CHL1: variants seen among roughly 807,000 people sequenced by gnomAD.
CHL1 encodes cell adhesion molecule L1 like.
CHL1 carries 96 observed loss-of-function variants against 141.9 expected under a neutral mutation model. The observed-to-expected ratio is 0.68, with a 90% CI of 0.57 to 0.80. CHL1 has a LOEUF of 0.80. CHL1 is among the 30% of genes least tolerant of loss of function. The pLI is 0.00. For missense variants in CHL1, 1,820 were observed against 1,457.2 expected, an observed-to-expected ratio of 1.25 and a Z score of -4.05; for synonymous variants, 613 against 502.2, an observed-to-expected ratio of 1.22 and a Z score of -2.95.
At chr3:347,117 A>G (rs906044376) in intron 9 of CHL1, among the ~76,000 whole-genome samples, 2 of 152,152 alleles carry the variant, frequency 1.3e-5, no homozygotes, top group Non-Finnish European at 2.9e-5. Flanking sequence ...TTTGAGGGAA[A>G]ACTTATAAAA....
intron 5 of CHL1, among the ~76,000 whole-genome samples, chr3:339,485 A>G (rs983009709): frequency 1.3e-5 from 2 of 152,228 alleles, no homozygotes; most frequent in African/African-American, 4.8e-5. Context: ...GGAATCTTAT[A>G]GAACGAGTTG....
At chr3:337,271 A>G (rs1206265427) in intron 5 of CHL1, among the ~76,000 whole-genome samples, 1 of 148,246 alleles carries the variant, frequency 6.7e-6, no homozygotes, top group Non-Finnish European at 1.5e-5. Context: ...GCTCACTGCA[A>G]GCTCCGCCTC....
chr3:325,977 T>A lies in CHL1; in HGVS notation c.110T>A (p.Ile37Asn). 1 of 1,610,090 alleles carries A rather than the reference T, an allele frequency of 6.2e-7. No homozygotes were observed. The highest frequency in any genetic ancestry group is 8.5e-7 in the Non-Finnish European group (1 of 1,177,260). Residue 37 changes from isoleucine (I) to asparagine (N), a missense_variant, in exon 4 of 28, where the codon ATC (isoleucine) becomes AAC (asparagine). Ile to Asn is a moderately radical substitution (Grantham distance 149). Transcript: ENST00000256509. ...TATTTAGTTCAACAGGTTCCAACAATCATAAAACAGTCAAAAGTCCAAGTT... is the reference window on the plus strand; with the variant it reads ...TATTTAGTTCAACAGGTTCCAACAAACATAAAACAGTCAAAAGTCCAAGTT... ...IPSSVQQVPTIIKQSKVQVAF... is the reference protein window; with the variant it reads ...IPSSVQQVPTNIKQSKVQVAF...
At chr3:233,105 T>G (rs1205085721) in intron 1 of CHL1, among the ~76,000 whole-genome samples, 6 of 152,132 alleles carry the variant, frequency 3.9e-5, no homozygotes, top group African/African-American at 1.4e-4. Flanking sequence ...GGAGTTATCT[T>G]CCTGACACAT....
intron 9 of CHL1, among the ~76,000 whole-genome samples, chr3:349,001 A>T (rs1171762627): frequency 6.6e-6 from 1 of 152,204 alleles, no homozygotes; most frequent in Non-Finnish European, 1.5e-5. Context: ...CCACTGGGAG[A>T]TTTTCACACT....
chr3:363,984 T>C (rs893343549), intron 14 of CHL1: 1 of 152,216 alleles, frequency 6.6e-6, no homozygotes, highest in African/African-American at 2.4e-5. Flanking sequence ...TTTTTGTTTC[T>C]TCTGTCGTGT....
chr3:284,290 A>G (rs2125309537), intron 2 of CHL1, among the ~76,000 whole-genome samples: 1 of 152,340 alleles, frequency 6.6e-6, no homozygotes, highest in Middle Eastern at 3.4e-3. Flanking sequence ...GAATAATAAG[A>G]GGAAAACAAA....
At chr3:294,576 T>C (rs1310260293) in intron 2 of CHL1, among the ~76,000 whole-genome samples, 1 of 152,228 alleles carries the variant, frequency 6.6e-6, no homozygotes, top group Non-Finnish European at 1.5e-5. Flanking sequence ...TTTCTTTTTT[T>C]CCACATTCAC....
chr3:288,062 C>T (rs1321220655), intron 2 of CHL1, among the ~76,000 whole-genome samples: 1 of 152,224 alleles, frequency 6.6e-6, no homozygotes, highest in Non-Finnish European at 1.5e-5. Context: ...GCCACTATGA[C>T]CCGCCTTCAC....
intron 2 of CHL1, among the ~76,000 whole-genome samples, chr3:302,089 A>G (rs1228806427): frequency 1.3e-5 from 2 of 152,082 alleles, no homozygotes; most frequent in African/African-American, 4.8e-5. Flanking sequence ...CATCCTTTTT[A>G]TGGTTGCATA....
At chr3:246,798 T>C (rs1693215297) in intron 2 of CHL1, 1 of 152,172 alleles carries the variant, frequency 6.6e-6, no homozygotes, top group Non-Finnish European at 1.5e-5. Flanking sequence ...CATATTTGTA[T>C]ATAACATTTC....
intron 2 of CHL1, among the ~76,000 whole-genome samples, chr3:261,896 G>C (rs998760278): frequency 2.6e-5 from 4 of 151,998 alleles, no homozygotes. Flanking sequence ...AATCGAGTTT[G>C]GGAATTTTTA....
intron 11 of CHL1, among the ~76,000 whole-genome samples, chr3:358,517 C>G (rs1210834051): frequency 1.3e-5 from 2 of 152,148 alleles, no homozygotes; most frequent in Non-Finnish European, 2.9e-5. Flanking sequence ...ACGTGTACAT[C>G]TTTCAGGGGC....
At chr3:215,575 A>T (rs2124936477) in intron 1 of CHL1, among the ~76,000 whole-genome samples, 1 of 152,330 alleles carries the variant, frequency 6.6e-6, no homozygotes, top group East Asian at 1.9e-4. Flanking sequence ...CCACAAAGAA[A>T]TAATGTTTCA....
chr3:363,185 C>G (rs775567605), intron 13 of CHL1, 32 bp from the exon 14 acceptor site: 1 of 1,588,430 alleles, frequency 6.3e-7, no homozygotes, highest in Non-Finnish European at 8.6e-7. Flanking sequence ...TTTGCCCTAC[C>G]TCAGATGGAT....
intron 1 of CHL1, chr3:213,282 G>T (rs975237937): frequency 6.6e-6 from 1 of 152,192 alleles, no homozygotes; most frequent in African/African-American, 2.4e-5. Context: ...AACACATCTA[G>T]GATCATTTCA....
chr3:405,039 G>GGCACTA (rs1384979982), intron 27 of CHL1, among the ~76,000 whole-genome samples: 2 of 152,012 alleles, frequency 1.3e-5, no homozygotes, highest in Non-Finnish European at 2.9e-5. Context: ...CTTCTCTAAG[G>GGCACTA]GCACTAATAT....
intron 13 of CHL1, among the ~76,000 whole-genome samples, chr3:362,850 C>G (rs1704416971): frequency 6.6e-6 from 1 of 152,332 alleles, no homozygotes; most frequent in East Asian, 1.9e-4. Context: ...GGTTCATTAT[C>G]TCTTTCAATT....
At chr3:268,709 T>G (rs1353073273) in intron 2 of CHL1, among the ~76,000 whole-genome samples, 1 of 152,198 alleles carries the variant, frequency 6.6e-6, no homozygotes, top group Non-Finnish European at 1.5e-5. Context: ...AAGAATTAAC[T>G]TTGAGGCAGC....
Sources: allele counts gnomAD v4.1 joint callset (sites outside exome capture counted in the v4.1 genomes callset), GRCh38; gene constraint gnomAD v4.1.1; transcripts MANE v1.5; gene names NCBI Gene and HGNC (gene_info 2026-07-23, HGNC 2026-07-21).